Variants in SNX29 observed in about 807,000 individuals in gnomAD.
SNX29 encodes sorting nexin-29.
A neutral mutation model predicts 102.1 loss-of-function variants in SNX29; 78 were observed. That is an observed-to-expected ratio of 0.76 (90% confidence interval 0.64 to 0.92). The LOEUF is 0.92. SNX29 is among the 40% of genes least tolerant of loss of function. The pLI is 0.00. For synonymous variants in SNX29, 580 were observed against 414.5 expected (o/e 1.40, Z -4.85); for missense variants, 1,280 against 1,061.7 (o/e 1.21, Z -2.86).
chr16:12,208,783 C>T (rs887746018), intron 14 of SNX29, among the ~76,000 whole-genome samples: 3 of 151,110 alleles, frequency 2.0e-5, no homozygotes, highest in Non-Finnish European at 1.5e-5. Flanking sequence ...TGAGACTGCA[C>T]TGAGCCATGA....
intron 14 of SNX29, among the ~76,000 whole-genome samples, chr16:12,210,724 GTTCCCTCCCTCCCTCA>G (rs772533438): frequency 2.6e-5 from 4 of 151,568 alleles, no homozygotes; most frequent in African/African-American, 4.9e-5. Flanking sequence ...TCTCTCACAT[GTTCCCTCCCTCCCTCA>G]TTCCCTCCCT....
chr16:12,481,434 A>G (rs2151831697), intron 19 of SNX29, among the ~76,000 whole-genome samples: 1 of 143,180 alleles, frequency 7.0e-6, no homozygotes, highest in East Asian at 2.0e-4. Flanking sequence ...ACATATACAC[A>G]TATATACACA....
At chr16:12,318,287 T>TCAGG (rs1389032263) in intron 15 of SNX29, among the ~76,000 whole-genome samples, 3 of 152,348 alleles carry the variant, frequency 2.0e-5, no homozygotes, top group Admixed American at 6.5e-5. Flanking sequence ...GCGGCCTTGA[T>TCAGG]CAGGCTGGTT....
chr16:12,483,207 C>G (rs189226225), intron 19 of SNX29, among the ~76,000 whole-genome samples: 240 of 139,042 alleles, frequency 1.7e-3, no homozygotes, highest in African/African-American at 6.4e-3. Context: ...TGGCATTTCA[C>G]CATGTTGGCC....
intron 14 of SNX29, among the ~76,000 whole-genome samples, chr16:12,257,534 G>A (rs1011568956): frequency 2.0e-5 from 3 of 151,222 alleles, no homozygotes; most frequent in African/African-American, 7.3e-5. Flanking sequence ...AGAGAGACAG[G>A]GTCTTGCTCT....
chr16:12,033,371 G>C (rs1174217390), intron 4 of SNX29, among the ~76,000 whole-genome samples: 1 of 151,238 alleles, frequency 6.6e-6, no homozygotes, highest in Non-Finnish European at 1.5e-5. Context: ...CCAAAGTGCT[G>C]GGATTACAGG....
At position 12,069,553 on chromosome 16, in the gene SNX29, C is replaced by CA. The variant is rs573032005; in HGVS notation, c.1319+422dup. 5.1e-4 allele frequency among the ~76,000 whole-genome samples: 78 copies of CA among 151,532 alleles called. 2 individuals are homozygous for CA. In the South Asian group the frequency reaches 0.012, roughly 23 times the overall value. On this transcript the variant is annotated intron_variant, in intron 10 of 20. Coordinates refer to ENST00000566228, the MANE Select transcript of SNX29 (RefSeq NM_032167.5). ...AAAGTGCTGGGATTACTGATGTGAG[C>CA]AGATTTAGTCTTTACATCACAGAAG...
chr16:12,039,093 A>G (rs911450875), intron 4 of SNX29, among the ~76,000 whole-genome samples: 13 of 152,212 alleles, frequency 8.5e-5, no homozygotes, highest in Non-Finnish European at 1.8e-4. Flanking sequence ...GATCCCAGTG[A>G]TTGGCTTGAT....
At chr16:12,482,647 C>T (rs2088000910) in intron 19 of SNX29, among the ~76,000 whole-genome samples, 2 of 152,306 alleles carry the variant, frequency 1.3e-5, no homozygotes, top group East Asian at 1.9e-4. Flanking sequence ...AAGCCTTGAA[C>T]CCATTAAATG....
At chr16:12,131,099 C>T (rs1055832043) in intron 13 of SNX29, among the ~76,000 whole-genome samples, 7 of 152,182 alleles carry the variant, frequency 4.6e-5, no homozygotes, top group African/African-American at 1.2e-4. Flanking sequence ...GGGTGTGAGC[C>T]GCATGTTCTG....
intron 15 of SNX29, among the ~76,000 whole-genome samples, chr16:12,287,716 A>C (rs564765862): frequency 6.6e-6 from 1 of 152,352 alleles, no homozygotes; most frequent in Non-Finnish European, 1.5e-5. Flanking sequence ...TAGTTTAAAC[A>C]GGTGTTTGAA....
At chr16:12,362,426 T>C (rs1316773133) in intron 16 of SNX29, among the ~76,000 whole-genome samples, 1 of 152,102 alleles carries the variant, frequency 6.6e-6, no homozygotes, top group Non-Finnish European at 1.5e-5. Context: ...GGAATATCCC[T>C]TTTGAGGCTC....
chr16:12,568,373 G>C (rs1265000115), intron 20 of SNX29, 133 bp from the exon 21 acceptor site: 4 of 1,195,836 alleles, frequency 3.3e-6, no homozygotes, highest in Middle Eastern at 2.0e-4. Context: ...GCACCAGTTA[G>C]AGGCAGATCC....
intron 18 of SNX29, among the ~76,000 whole-genome samples, chr16:12,410,643 A>C (rs930125678): frequency 6.6e-6 from 1 of 151,752 alleles, no homozygotes; most frequent in Non-Finnish European, 1.5e-5. Flanking sequence ...TGTGCTGCCT[A>C]GGCTGGTCTG....
chr16:12,535,777 C>T (rs954317986), intron 20 of SNX29, among the ~76,000 whole-genome samples: 6 of 151,898 alleles, frequency 4.0e-5, no homozygotes, highest in African/African-American at 1.4e-4. Context: ...TCTGGAGGTC[C>T]TCAGAGTATA....
chr16:12,457,871 A>G lies in SNX29; in HGVS notation c.2038-19848A>G, dbSNP rs73504262. On this transcript the variant is annotated intron_variant, in intron 18 of 20. Transcript: ENST00000566228. ...TGTTTGTGGTCTGCATACGGGTGCAATTTGATTGCGTGGGGAGACAAAAGA... is the reference window on the plus strand; with the variant it reads ...TGTTTGTGGTCTGCATACGGGTGCAGTTTGATTGCGTGGGGAGACAAAAGA... Among the ~76,000 whole-genome samples the G allele has an allele frequency of 4.4e-3, 669 of 152,314 alleles. 4 individuals carry two copies. The highest frequency in any genetic ancestry group is 0.015 in the African/African-American group (627 of 41,576).
chr16:12,241,620 C>T (rs1327699226), intron 14 of SNX29, among the ~76,000 whole-genome samples: 1 of 152,196 alleles, frequency 6.6e-6, no homozygotes, highest in Non-Finnish European at 1.5e-5. Context: ...TGCCACCACA[C>T]CTGGCTAATT....
Position 12,442,589 on chromosome 16 carries a change from G to T in SNX29, c.2038-35130G>T, listed in dbSNP as rs76410121. 7.2e-3 allele frequency among the ~76,000 whole-genome samples: 1,025 copies of T among 142,400 alleles called. 10 individuals carry two copies. Among genetic ancestry groups the T allele is most frequent in the African/African-American group, 0.022 (839 of 38,856 alleles). The allele number at this position is 142,400 out of a possible 152,430, so 93.4% of individuals were successfully genotyped here. A position where few individuals can be genotyped will look rare whatever the true frequency, so the allele number is the denominator to read the frequency against. On this transcript the variant is annotated intron_variant, in intron 18 of 20. Transcript: ENST00000566228. ...AATGGATGTGACTGTGTGTTTTTTT[G>T]TTTTTTTTTTTTTGATATAGGGTCT...
intron 18 of SNX29, among the ~76,000 whole-genome samples, chr16:12,469,278 G>T (rs939670113): frequency 6.6e-6 from 1 of 152,294 alleles, no homozygotes; most frequent in East Asian, 1.9e-4. Context: ...AATAATATCC[G>T]TCTATCGGCA....
Sources: gnomAD v4.1 joint callset for allele counts (sites outside exome capture counted in the v4.1 genomes callset) on GRCh38, gnomAD v4.1.1 for gene constraint, MANE v1.5 for transcripts, NCBI Gene and HGNC (gene_info 2026-07-23, HGNC 2026-07-21) for gene names.